Variants in DOCK9 observed in about 807,000 individuals in gnomAD.
DOCK9 encodes dedicator of cytokinesis protein 9.
DOCK9 carries 89 observed loss-of-function variants against 263.3 expected under a neutral mutation model. The ratio of observed to expected loss-of-function variants is 0.34; its 90% CI spans 0.28 to 0.40. DOCK9 has a LOEUF of 0.40. Among genes scored for constraint, DOCK9 ranks in the 10% least tolerant of loss-of-function variants. The pLI, the probability that DOCK9 is intolerant of heterozygous loss-of-function variation, is 1.00. For synonymous variants in DOCK9, 976 were observed against 973.1 expected, an observed-to-expected ratio of 1.00 and a Z score of -0.06; for missense variants, 2,140 against 2,603.4, an observed-to-expected ratio of 0.82 and a Z score of 3.87.
intron 23 of DOCK9, 74 bp from the exon 24 acceptor site, chr13:98,882,081 C>CAAACAAGGATGG: frequency 8.1e-7 from 1 of 1,242,116 alleles, no homozygotes; most frequent in Non-Finnish European, 1.2e-6. Flanking sequence ...TCCACTCTTC[C>CAAACAAGGATGG]AAACAAGGAT....
At chr13:98,812,127 AT>A (rs56880707) in intron 45 of DOCK9, among the ~76,000 whole-genome samples, 2,877 of 77,626 alleles carry the variant, frequency 0.037, 59 homozygotes, top group African/African-American at 0.11. Context: ...AAACCACAGG[AT>A]TTTTTTTTTT....
chr13:99,049,356 G>T (rs1407347821), intron 1 of DOCK9, among the ~76,000 whole-genome samples: 2 of 152,162 alleles, frequency 1.3e-5, no homozygotes, highest in Non-Finnish European at 2.9e-5. Flanking sequence ...TTGTCATCGG[G>T]AGGCATGGTG....
At chr13:98,979,273 A>G (rs796293070), upstream of DOCK9, among the ~76,000 whole-genome samples, 6 of 150,804 alleles carry the variant, frequency 4.0e-5, no homozygotes, top group African/African-American at 1.5e-4. Flanking sequence ...CAGTCAGTCA[A>G]CAACGAGAGT....
intron 45 of DOCK9, among the ~76,000 whole-genome samples, chr13:98,816,721 G>A (rs1482698959): frequency 6.6e-6 from 1 of 150,632 alleles, no homozygotes; most frequent in Non-Finnish European, 1.5e-5. Flanking sequence ...GGTTAGTCAG[G>A]TGAAAGTGAA....
chr13:98,938,933 G>A (rs1451383670), intron 2 of DOCK9, among the ~76,000 whole-genome samples: 1 of 125,356 alleles, frequency 8.0e-6, no homozygotes, highest in African/African-American at 2.8e-5. Context: ...TGAGCCAGCT[G>A]CTGGAACCAG....
chr13:98,935,700 G>A (rs780513552), intron 2 of DOCK9, among the ~76,000 whole-genome samples: 9 of 152,172 alleles, frequency 5.9e-5, no homozygotes, highest in African/African-American at 9.7e-5. Flanking sequence ...CTCAGGAGGC[G>A]GAGGTCACAG....
intron 1 of DOCK9, among the ~76,000 whole-genome samples, chr13:99,080,951 T>C (rs1012829081): frequency 6.6e-6 from 1 of 152,234 alleles, no homozygotes; most frequent in Non-Finnish European, 1.5e-5. Context: ...GATTTCACAG[T>C]TCCTTCCCTC....
intron 13 of DOCK9, among the ~76,000 whole-genome samples, chr13:98,899,320 C>T (rs2047913795): frequency 6.6e-6 from 1 of 152,150 alleles, no homozygotes; most frequent in South Asian, 2.1e-4. Flanking sequence ...CTCTAAGTCA[C>T]ACTGAATCCA....
At chr13:99,063,403 A>G (rs1215981964) in intron 1 of DOCK9, among the ~76,000 whole-genome samples, 1 of 152,226 alleles carries the variant, frequency 6.6e-6, no homozygotes, top group Non-Finnish European at 1.5e-5. Flanking sequence ...GCTAGGCCTC[A>G]CCTGGGTGTG....
At chr13:98,953,006 T>C (rs1007396937) in intron 2 of DOCK9, among the ~76,000 whole-genome samples, 1 of 152,230 alleles carries the variant, frequency 6.6e-6, no homozygotes, top group African/African-American at 2.4e-5. Flanking sequence ...TCTGCTCTTA[T>C]TCTGCCTAAG....
upstream of DOCK9, among the ~76,000 whole-genome samples, chr13:98,982,618 T>C (rs544155393): frequency 6.6e-6 from 1 of 152,366 alleles, no homozygotes; most frequent in African/African-American, 2.4e-5. Flanking sequence ...GCACTCACGA[T>C]GTATTTGCTG....
chr13:99,050,845 T>C (rs2040659191), intron 1 of DOCK9, among the ~76,000 whole-genome samples: 1 of 152,198 alleles, frequency 6.6e-6, no homozygotes, highest in African/African-American at 2.4e-5. Flanking sequence ...CCACTTCATA[T>C]ACATGGCCCC....
intron 18 of DOCK9, among the ~76,000 whole-genome samples, chr13:98,887,663 CA>C (rs1447274802): frequency 8.2e-6 from 1 of 122,560 alleles, no homozygotes; most frequent in Non-Finnish European, 1.7e-5. Flanking sequence ...ATACTTAACT[CA>C]AAAGACTACT....
chr13:98,868,163 T>C, intron 28 of DOCK9, 68 bp downstream of exon 28: 1 of 1,591,726 alleles, frequency 6.3e-7, no homozygotes, highest in African/African-American at 1.3e-5. Flanking sequence ...CTAGTCACCC[T>C]GCTAGACAGC....
At chr13:99,014,287 T>C (rs1885037337) in intron 1 of DOCK9, among the ~76,000 whole-genome samples, 1 of 152,234 alleles carries the variant, frequency 6.6e-6, no homozygotes, top group South Asian at 2.1e-4. Context: ...GAGCTAGTCC[T>C]TCTAATCTCT....
chr13:98,994,282 T>C (rs1264271974), intron 1 of DOCK9, among the ~76,000 whole-genome samples: 1 of 152,236 alleles, frequency 6.6e-6, no homozygotes, highest in Non-Finnish European at 1.5e-5. Flanking sequence ...GGTATTCTAA[T>C]CTAGTGGTTC....
intron 1 of DOCK9, among the ~76,000 whole-genome samples, chr13:98,970,408 G>C (rs368909654): frequency 2.6e-5 from 4 of 152,184 alleles, no homozygotes; most frequent in African/African-American, 9.7e-5. Flanking sequence ...TCAGAGATGG[G>C]GGATCTGGAG....
At chr13:98,888,900 A>G (rs932669385) in intron 15 of DOCK9, among the ~76,000 whole-genome samples, 189 bp from the exon 16 acceptor site, 10 of 152,196 alleles carry the variant, frequency 6.6e-5, no homozygotes, top group Admixed American at 1.3e-4. Context: ...ACTCAACCCA[A>G]TAGGTCCAAA....
chr13:98,825,779 C>G lies in DOCK9; in HGVS notation c.5023+1051G>C. 1.3e-6 allele frequency: 1 copy of G among 791,756 alleles called. No individual in the cohort carries two copies. Among genetic ancestry groups the G allele is most frequent in the Non-Finnish European group, 1.9e-6 (1 of 539,268 alleles). 49.0% of individuals were successfully genotyped at this position (791,756 alleles called of 1,614,324 possible). On this transcript the variant is annotated intron_variant, in intron 44 of 52. Transcript: ENST00000682017. The surrounding 1 kb of genome is among the most constrained non-coding windows in gnomAD (Gnocchi z 4.1). The stretch of plus-strand genomic sequence containing the variant: ...AGGAGGGAAGGAGAGTGAAGTCTGT[C>G]CATGCAAAGTTAAAAGGGCAAATCC...
Sources: gnomAD v4.1 joint callset for allele counts (sites outside exome capture counted in the v4.1 genomes callset) on GRCh38, gnomAD v4.1.1 for gene constraint, Gnocchi (gnomAD v3.1) non-coding constraint, MANE v1.5 for transcripts, NCBI Gene and HGNC (gene_info 2026-07-23, HGNC 2026-07-21) for gene names.